FSCN1: variants seen among roughly 807,000 people sequenced by gnomAD.
The protein encoded by FSCN1 is fascin.
In FSCN1, 10 loss-of-function variants were observed where a neutral mutation model predicts 39.7. That is an observed-to-expected ratio of 0.25 (90% CI 0.16 to 0.43). FSCN1 has a LOEUF of 0.43. Ranked by LOEUF, FSCN1 falls within the 20% of genes least tolerant of loss-of-function variation. The probability of loss-of-function intolerance (pLI) is 1.00; values close to 1 mark genes in which losing one functional copy is unlikely to be tolerated. For missense variants in FSCN1, 525 were observed against 723.8 expected (o/e 0.73, Z 3.15); for synonymous variants, 322 against 320.0 (o/e 1.01, Z -0.07).
chr7:5,597,150 C>T (rs1785744046), intron 1 of FSCN1, among the ~76,000 whole-genome samples: 1 of 151,288 alleles, frequency 6.6e-6, no homozygotes, highest in African/African-American at 2.4e-5. Flanking sequence ...GGGAAGATGG[C>T]TTCAGCCCAG....
At chr7:5,600,553 C>T (rs1321899279) in intron 1 of FSCN1, among the ~76,000 whole-genome samples, 20 of 151,732 alleles carry the variant, frequency 1.3e-4, no homozygotes, top group Admixed American at 3.3e-4. Flanking sequence ...AGTGCAGTGG[C>T]GGATCTCAGC....
chr7:5,602,158 G>A (rs1785843869), intron 1 of FSCN1, among the ~76,000 whole-genome samples: 1 of 151,252 alleles, frequency 6.6e-6, no homozygotes, highest in Admixed American at 6.6e-5. Context: ...TGCCTGCCTT[G>A]GCCTCCCAAA....
At position 5,599,256 on chromosome 7, in the gene FSCN1, G is replaced by A. The variant is rs1364872442; in HGVS notation, c.833-4001G>A. ...GGCTACCGGCTTAAGGGGCCCCAGG[G>A]AACCTGGGGGGTGGAGCCCAAGGGG... is the stretch of plus-strand genomic sequence containing the variant. On this transcript the variant is annotated intron_variant, in intron 1 of 4. Coordinates refer to ENST00000382361, the MANE Select transcript of FSCN1 (RefSeq NM_003088.4). The surrounding 1 kb of genome is among the most constrained non-coding windows in gnomAD (Gnocchi z 5.6). Among the ~76,000 whole-genome samples the A allele has an allele frequency of 6.6e-6, 1 of 152,144 alleles. No homozygotes were observed. The highest frequency in any genetic ancestry group is 1.9e-4 in the East Asian group (1 of 5,188).
chr7:5,593,152 G>A lies in FSCN1; in HGVS notation c.216G>A (p.Ala72=), dbSNP rs755456931. The change falls in exon 1 of 5, where the codon GCG becomes GCA. Residue 72 remains alanine, a synonymous_variant. Coordinates refer to ENST00000382361, the MANE Select transcript of FSCN1 (RefSeq NM_003088.4). The part of the protein sequence containing the change: ...LRSHLGRYLA[A]DKDGNVTCER... ...GCCACCTGGGCCGCTACCTGGCGGC[G>A]GACAAGGACGGCAACGTGACCTGCG... is the stretch of plus-strand genomic sequence containing the variant. The A allele has an allele frequency of 2.5e-6, 4 of 1,602,650 alleles. No individual in the cohort carries two copies. The highest frequency in any genetic ancestry group is 2.2e-5 in the South Asian group (2 of 89,930).
At chr7:5,600,542 G>C (rs1407222084) in intron 1 of FSCN1, among the ~76,000 whole-genome samples, 1 of 152,090 alleles carries the variant, frequency 6.6e-6, no homozygotes, top group African/African-American at 2.4e-5. Flanking sequence ...GCCCAGGCTG[G>C]AGTGCAGTGG....
At position 5,603,483 on chromosome 7, in the gene FSCN1, C is replaced by A; in HGVS notation, c.990-13C>A. On this transcript the variant is annotated splice_polypyrimidine_tract_variant and intron_variant, in intron 2 of 4. Coordinates refer to ENST00000382361, the MANE Select transcript of FSCN1 (RefSeq NM_003088.4). This position sits in a 1 kb window ranked among gnomAD's most constrained non-coding sequence, Gnocchi z 8.5. ...TGGGCTACCCCGCCTGACCCTGTCC[C>A]GCCATCCCCCAGGAATGCCAGCTGC... 1 of 1,614,090 alleles carries A rather than the reference C, an allele frequency of 6.2e-7. No homozygotes were observed. The highest frequency in any genetic ancestry group is 8.5e-7 in the Non-Finnish European group (1 of 1,180,010).
At position 5,593,314 on chromosome 7, in the gene FSCN1, G is replaced by A. The variant is rs1189046902; in HGVS notation, c.378G>A (p.Val126=). 6.2e-7 allele frequency: 1 copy of A among 1,611,186 alleles called. No homozygotes were observed. The highest frequency in any genetic ancestry group is 1.1e-5 in the South Asian group (1 of 90,978). ...EDRLSCFAQT[V]SPAEKWSVHI... is the part of the protein sequence containing the mutation. The stretch of plus-strand genomic sequence containing the variant: ...GCCTGTCCTGCTTCGCGCAGACGGT[G>A]TCCCCCGCCGAGAAGTGGAGCGTGC... The change falls in exon 1 of 5, where the codon GTG becomes GTA. Residue 126 remains valine, a synonymous_variant. Transcript: ENST00000382361.
chr7:5,602,379 G>A (rs971354978), intron 1 of FSCN1, among the ~76,000 whole-genome samples: 11 of 152,092 alleles, frequency 7.2e-5, no homozygotes, highest in South Asian at 4.2e-4. Context: ...ATGTACCATC[G>A]TGTTTTATTT....
intron 1 of FSCN1, among the ~76,000 whole-genome samples, chr7:5,595,812 C>T (rs1026211103): frequency 3.3e-5 from 5 of 152,138 alleles, no homozygotes; most frequent in African/African-American, 9.7e-5. Context: ...GGGAAGAAGT[C>T]GCAGAAGTAG....
chr7:5,603,075 G>C lies in FSCN1; in HGVS notation c.833-182G>C. The C allele has an allele frequency of 1.5e-6, 1 of 646,364 alleles. No individual in the cohort carries two copies. Among genetic ancestry groups the C allele is most frequent in the Non-Finnish European group, 2.7e-6 (1 of 371,902 alleles). 40.0% of individuals were successfully genotyped at this position (646,364 alleles called of 1,614,324 possible). On this transcript the variant is annotated intron_variant, in intron 1 of 4. Coordinates refer to ENST00000382361, the MANE Select transcript of FSCN1 (RefSeq NM_003088.4). This position sits in a 1 kb window ranked among gnomAD's most constrained non-coding sequence, Gnocchi z 8.5. ...ATGTAGCTTGCCTTGGCCTCTGACC[G>C]GCCCTGCCTGCGTTCCTGGGTGCTC... is the stretch of plus-strand genomic sequence containing the variant.
chr7:5,603,302 C>G lies in FSCN1; in HGVS notation c.878C>G (p.Thr293Ser). Residue 293 changes from threonine to serine, a missense_variant, in exon 2 of 5, where the codon ACC becomes AGC. Transcript: ENST00000382361. This position sits in a 1 kb window ranked among gnomAD's most constrained non-coding sequence, Gnocchi z 8.5. ...CAGGACGAGGAGACCGACCAGGAGA[C>G]CTTCCAGCTGGAGATCGACCGCGAC... ...ANQDEETDQE[T>S]FQLEIDRDTK... 1 of 1,613,170 alleles carries G rather than the reference C, an allele frequency of 6.2e-7. No homozygotes were observed. Among genetic ancestry groups the G allele is most frequent in the Non-Finnish European group, 8.5e-7 (1 of 1,180,024 alleles).
At chr7:5,595,193 G>C (rs971907520) in intron 1 of FSCN1, among the ~76,000 whole-genome samples, 12 of 152,230 alleles carry the variant, frequency 7.9e-5, no homozygotes, top group Non-Finnish European at 1.5e-4. Flanking sequence ...TCTGCAGGAG[G>C]GGGAAAGACC....
intron 1 of FSCN1, among the ~76,000 whole-genome samples, chr7:5,597,074 A>G (rs1225250481): frequency 1.3e-5 from 2 of 152,222 alleles, no homozygotes; most frequent in African/African-American, 4.8e-5. Context: ...GGCCAGGCAC[A>G]CTGGCTCTCG....
At chr7:5,597,197 C>CT (rs1446344277) in intron 1 of FSCN1, among the ~76,000 whole-genome samples, 4 of 152,194 alleles carry the variant, frequency 2.6e-5, no homozygotes, top group African/African-American at 9.7e-5. Flanking sequence ...GGCAAAACCT[C>CT]TGTCTACAAA....
rs1034136706 is a variant in FSCN1, at chr7:5,606,322, C to T, written c.*848C>T. On this transcript the variant is annotated 3_prime_UTR_variant, in exon 5 of 5. Transcript: ENST00000382361. This position sits in a 1 kb window ranked among gnomAD's most constrained non-coding sequence, Gnocchi z 5.1. ...CTGGCGGGGGGCGTCTCAGCACCCT[C>T]CCCAGGGGGTGCATCTCAGCCCCCT... is the stretch of plus-strand genomic sequence containing the variant. The T allele has an allele frequency of 3.9e-5, 6 of 152,130 alleles. No individual in the cohort carries two copies. Among genetic ancestry groups the T allele is most frequent in the African/African-American group, 1.4e-4 (6 of 41,410 alleles). 9.4% of individuals were successfully genotyped at this position (152,130 alleles called of 1,614,324 possible). A position where few individuals can be genotyped will look rare whatever the true frequency, so the allele number is the denominator to read the frequency against.
At position 5,605,618 on chromosome 7, in the gene FSCN1, C is replaced by T. The variant is rs1217525946; in HGVS notation, c.*144C>T. 9.2e-6 allele frequency: 6 copies of T among 651,176 alleles called. No homozygotes were observed. The highest frequency in any genetic ancestry group is 1.3e-5 in the Non-Finnish European group (5 of 384,256). 40.3% of individuals were successfully genotyped at this position (651,176 alleles called of 1,614,324 possible). ...TGGAAACCCCAGAGAAAACGGTGCC[C>T]CCACCTGTCGCCCCTATGGACTCCC... On this transcript the variant is annotated 3_prime_UTR_variant, in exon 5 of 5. Transcript: ENST00000382361. The surrounding 1 kb of genome is among the most constrained non-coding windows in gnomAD (Gnocchi z 6.9).
Position 5,600,240 on chromosome 7 carries a change from C to A in FSCN1, c.833-3017C>A, listed in dbSNP as rs1482318610. ...CGGCCTGGCCAACATAATGAAACTC[C>A]GTCTCTACTAAAAATACAAAAAAAT... is the stretch of plus-strand genomic sequence containing the variant. On this transcript the variant is annotated intron_variant, in intron 1 of 4. Transcript: ENST00000382361. Among the ~76,000 whole-genome samples, 12 of 152,078 alleles carry A rather than the reference C, an allele frequency of 7.9e-5. No homozygotes were observed. In the East Asian group the frequency reaches 2.1e-3, roughly 27 times the overall value.
intron 1 of FSCN1, among the ~76,000 whole-genome samples, chr7:5,602,602 G>A (rs1260648748): frequency 4.6e-5 from 7 of 152,154 alleles, no homozygotes; most frequent in African/African-American, 1.7e-4. Flanking sequence ...TAACCACAAC[G>A]TGATCAACAG....
intron 1 of FSCN1, among the ~76,000 whole-genome samples, chr7:5,601,566 G>A (rs1310151233): frequency 6.6e-6 from 1 of 152,178 alleles, no homozygotes; most frequent in South Asian, 2.1e-4. Flanking sequence ...CTGGGCACAT[G>A]GTGGCTTGTG....
Sources: allele counts gnomAD v4.1 joint callset (sites outside exome capture counted in the v4.1 genomes callset), GRCh38; gene constraint gnomAD v4.1.1; non-coding constraint Gnocchi (gnomAD v3.1); transcripts MANE v1.5; gene names NCBI Gene and HGNC (gene_info 2026-07-23, HGNC 2026-07-21).